Variants in IL1RAPL2 observed in about 807,000 individuals in gnomAD.
The protein encoded by IL1RAPL2 is interleukin 1 receptor accessory protein like 2.
A neutral mutation model predicts 44.1 loss-of-function variants in IL1RAPL2; 3 were observed. That is an observed-to-expected ratio of 0.07 (90% CI 0.03 to 0.18). The LOEUF is 0.18. IL1RAPL2 is among the 10% of genes least tolerant of loss of function. IL1RAPL2 has a pLI of 1.00. For synonymous variants in IL1RAPL2, 181 were observed against 178.8 expected, an observed-to-expected ratio of 1.01 and a Z score of -0.10; for missense variants, 391 against 496.4, an observed-to-expected ratio of 0.79 and a Z score of 2.02.
chrX:104,891,636 A>G (rs1197312003), intron 2 of IL1RAPL2, among the ~76,000 whole-genome samples: 2 of 112,157 alleles, frequency 1.8e-5, no homozygotes, highest in Non-Finnish European at 3.8e-5. Context: ...ATTTTTGCAC[A>G]TTGATTTTGT....
intron 2 of IL1RAPL2, among the ~76,000 whole-genome samples, chrX:104,740,482 G>T (rs1304802104): frequency 2.7e-5 from 3 of 110,818 alleles, no homozygotes; most frequent in Non-Finnish European, 5.7e-5. Flanking sequence ...TCTCCTCTAT[G>T]TACGTTTTCA....
intron 2 of IL1RAPL2, among the ~76,000 whole-genome samples, chrX:105,114,568 T>C (rs1602960814): frequency 1.7e-5 from 1 of 58,280 alleles, no homozygotes; most frequent in East Asian, 7.1e-4. Context: ...TTCCTACTCA[T>C]CCACCTTGAA....
At chrX:104,585,287 ATATATTATATATTATATATTATAT>A (rs1928505780) in intron 1 of IL1RAPL2, among the ~76,000 whole-genome samples, 1 of 8,200 alleles carries the variant, frequency 1.2e-4, no homozygotes, top group African/African-American at 1.0e-3. Flanking sequence ...ATATTATATA[ATATATTATATATTATATATTATAT>A]AATATATATT....
At chrX:104,917,052 A>G (rs1223968690) in intron 2 of IL1RAPL2, among the ~76,000 whole-genome samples, 1 of 111,691 alleles carries the variant, frequency 9.0e-6, no homozygotes, top group Non-Finnish European at 1.9e-5. Flanking sequence ...TGTCTCTACC[A>G]GGTTTTGGTA....
At chrX:105,076,814 T>C (rs1166305915) in intron 2 of IL1RAPL2, among the ~76,000 whole-genome samples, 2 of 111,511 alleles carry the variant, frequency 1.8e-5, no homozygotes, top group African/African-American at 3.3e-5. Flanking sequence ...TCTTTGTCTC[T>C]TTTGATCTTT....
chrX:105,060,585 C>CTTTTTTTTTTTTTTTTTTTTTT (rs1161187469), intron 2 of IL1RAPL2, among the ~76,000 whole-genome samples: 8 of 70,170 alleles, frequency 1.1e-4, no homozygotes, highest in African/African-American at 3.7e-4. Context: ...TTTTCTTTTT[C>CTTTTTTTTTTTTTTTTTTTTTT]TTTTTTTTTT....
At chrX:105,040,284 A>G (rs58510893) in intron 2 of IL1RAPL2, among the ~76,000 whole-genome samples, 2,174 of 111,605 alleles carry the variant, frequency 0.019, 58 homozygotes, top group African/African-American at 0.067. Flanking sequence ...TCGGATTGCC[A>G]GTATTTTACT....
chrX:104,769,786 G>A (rs764394252), intron 2 of IL1RAPL2, among the ~76,000 whole-genome samples: 13 of 111,792 alleles, frequency 1.2e-4, no homozygotes, highest in South Asian at 3.7e-4. Context: ...TACCTAGTTT[G>A]CATAATCTTT....
At chrX:104,567,377 G>A (rs1193252529) in intron 1 of IL1RAPL2, among the ~76,000 whole-genome samples, 2 of 112,681 alleles carry the variant, frequency 1.8e-5, no homozygotes, top group African/African-American at 3.2e-5. Flanking sequence ...CTGCAGCCTG[G>A]AAGGCAATTT....
chrX:105,064,737 G>A (rs1004772130), intron 2 of IL1RAPL2, among the ~76,000 whole-genome samples: 2 of 111,702 alleles, frequency 1.8e-5, no homozygotes, highest in Admixed American at 9.5e-5. Context: ...CATCATAAAC[G>A]TCTTCATCCT....
intron 10 of IL1RAPL2, 38 bp from the exon 11 acceptor site, chrX:105,766,926 T>C: frequency 9.7e-7 from 1 of 1,029,028 alleles, no homozygotes; most frequent in Non-Finnish European, 1.4e-6. Context: ...ACTGGCAATG[T>C]CTTTGTTTTA....
chrX:105,063,018 T>A (rs1383334088), intron 2 of IL1RAPL2, among the ~76,000 whole-genome samples: 1 of 111,519 alleles, frequency 9.0e-6, no homozygotes, highest in East Asian at 2.8e-4. Flanking sequence ...TTGAATAAAC[T>A]TCGTAGCCCT....
intron 2 of IL1RAPL2, among the ~76,000 whole-genome samples, chrX:104,916,583 T>A (rs1356206140): frequency 1.8e-5 from 2 of 111,462 alleles, no homozygotes; most frequent in Non-Finnish European, 3.8e-5. Flanking sequence ...CTGATTGCCC[T>A]GGCCAGACCT....
At chrX:105,641,584 T>A (rs1047260822) in intron 6 of IL1RAPL2, among the ~76,000 whole-genome samples, 1 of 110,492 alleles carries the variant, frequency 9.1e-6, no homozygotes, top group Non-Finnish European at 1.9e-5. Flanking sequence ...GAGAGAGGAG[T>A]AACAAATATT....
intron 5 of IL1RAPL2, among the ~76,000 whole-genome samples, chrX:105,457,589 C>A (rs2036065389): frequency 9.2e-6 from 1 of 108,671 alleles, no homozygotes; most frequent in African/African-American, 3.3e-5. Flanking sequence ...AATTTAATTG[C>A]TTTTTATAGC....
intron 4 of IL1RAPL2, among the ~76,000 whole-genome samples, chrX:105,259,579 G>C (rs943689793): frequency 1.8e-5 from 2 of 111,587 alleles, no homozygotes; most frequent in Admixed American, 1.9e-4. Flanking sequence ...AGGATGAAGG[G>C]CCTGTGCTGT....
Position 104,859,196 on chromosome X carries a change from A to G in IL1RAPL2, c.82+200201A>G, listed in dbSNP as rs1922436736. Among the ~76,000 whole-genome samples, 4 of 111,644 alleles carry G rather than the reference A, an allele frequency of 3.6e-5. No homozygotes were observed. The South Asian group carries it at 1.5e-3, about 42-fold the overall frequency. On this transcript the variant is annotated intron_variant, in intron 2 of 10. Transcript: ENST00000372582. ...TTCTAGCTGTTCTACTCAAATATCC[A>G]TGGGTCTCTCTACTCATGGCCATTT...
intron 2 of IL1RAPL2, among the ~76,000 whole-genome samples, chrX:105,020,508 T>G (rs1431593703): frequency 8.9e-6 from 1 of 111,928 alleles, no homozygotes; most frequent in Non-Finnish European, 1.9e-5. Context: ...GGAGACAGAT[T>G]GGTCTAGCAT....
chrX:104,729,868 CG>C (rs1276425084), intron 2 of IL1RAPL2, among the ~76,000 whole-genome samples: 1 of 110,900 alleles, frequency 9.0e-6, no homozygotes, highest in East Asian at 2.8e-4. Context: ...TAGTATTTCA[CG>C]GTGTTCATAT....
Sources: allele counts gnomAD v4.1 joint callset (sites outside exome capture counted in the v4.1 genomes callset), GRCh38; gene constraint gnomAD v4.1.1; transcripts MANE v1.5; gene names NCBI Gene and HGNC (gene_info 2026-07-23, HGNC 2026-07-21).